NUP155: variants seen among roughly 807,000 people sequenced by gnomAD.
NUP155 encodes nuclear pore complex protein Nup155.
A neutral mutation model predicts 180.4 loss-of-function variants in NUP155; 71 were observed. The ratio of observed to expected loss-of-function variants is 0.39; its 90% CI spans 0.33 to 0.48. NUP155 has a LOEUF of 0.48. Ranked by LOEUF, NUP155 falls within the 20% of genes least tolerant of loss-of-function variation. NUP155 has a pLI of 0.91. For missense variants in NUP155, 1,553 were observed against 1,648.9 expected, an observed-to-expected ratio of 0.94 and a Z score of 1.01; for synonymous variants, 582 against 559.5, an observed-to-expected ratio of 1.04 and a Z score of -0.57.
chr5:37,351,480 C>A, intron 5 of NUP155, 124 bp from the exon 6 acceptor site: 1 of 674,618 alleles, frequency 1.5e-6, no homozygotes, highest in South Asian at 1.8e-5. Flanking sequence ...GACAGTCTTA[C>A]TCTGTCACCC....
intron 4 of NUP155, among the ~76,000 whole-genome samples, chr5:37,354,461 T>C (rs868258946): frequency 0.047 from 6,840 of 146,604 alleles, 536 homozygotes; most frequent in African/African-American, 0.16. Flanking sequence ...TTTCTTCTTT[T>C]TTTTTTTTTT....
At chr5:37,339,973 G>A (rs973733152) in intron 11 of NUP155, among the ~76,000 whole-genome samples, 1 of 152,112 alleles carries the variant, frequency 6.6e-6, no homozygotes, top group Admixed American at 6.6e-5. Flanking sequence ...TGTTGGCCAG[G>A]CTGGTCTTGA....
At position 37,331,705 on chromosome 5, in the gene NUP155, T is replaced by C. The variant is rs1336427065; in HGVS notation, c.1609A>G (p.Arg537Gly). ...NVGGDGEEIERFFKLHQEDQA... is the reference protein window; with the variant it reads ...NVGGDGEEIEGFFKLHQEDQA... ...ATTACCTGATGTAATTTAAAGAATC[T>C]TTCAATCTCTTCTCCATCTCCTCCC... Residue 537 changes from arginine to glycine, a missense_variant, in exon 14 of 35, where the codon AGA (arginine) becomes GGA (glycine). Coordinates refer to ENST00000231498, the MANE Select transcript of NUP155 (RefSeq NM_153485.3). 2 of 1,599,872 alleles carry C rather than the reference T, an allele frequency of 1.3e-6. No homozygotes were observed. Among genetic ancestry groups the C allele is most frequent in the East Asian group, 4.5e-5 (2 of 44,788 alleles).
chr5:37,316,289 G>A (rs781650620), intron 21 of NUP155, among the ~76,000 whole-genome samples: 6 of 152,152 alleles, frequency 3.9e-5, no homozygotes, highest in Admixed American at 6.5e-5. Flanking sequence ...GATGAACCTC[G>A]AGGACAGTAT....
chr5:37,351,303 G>T lies in NUP155; in HGVS notation c.610C>A (p.Pro204Thr), dbSNP rs568338388. The T allele has an allele frequency of 6.2e-7, 1 of 1,612,656 alleles. No individual in the cohort carries two copies. Among genetic ancestry groups the T allele is most frequent in the Non-Finnish European group, 8.5e-7 (1 of 1,178,970 alleles). Residue 204 changes from proline (P) to threonine (T), a missense_variant, in exon 6 of 35, where the codon CCT becomes ACT. By Grantham distance (38) the Pro-to-Thr change is conservative. Coordinates refer to ENST00000231498, the MANE Select transcript of NUP155 (RefSeq NM_153485.3). ...LSGGMQLLPDPLYSLPTDNTY... is the reference protein window; with the variant it reads ...LSGGMQLLPDTLYSLPTDNTY... ...TTATCAGTAGGAAGAGAATATAAAG[G>T]ATCTGGAAGCAACTGCATTCCACCA... is the stretch of plus-strand genomic sequence containing the variant.
chr5:37,324,206 T>C (rs1744433664), intron 19 of NUP155, 99 bp from the exon 20 acceptor site: 4 of 771,286 alleles, frequency 5.2e-6, no homozygotes, highest in Admixed American at 2.1e-5. Flanking sequence ...TCTATAGTTA[T>C]TTCTTGTATC....
rs1744573444 is a variant in NUP155, at chr5:37,325,908, A to C, written c.2084T>G (p.Ile695Ser). The change falls in exon 19 of 35, where the codon ATC (isoleucine) becomes AGC (serine). Residue 695 changes from isoleucine (I) to serine (S), a missense_variant. By Grantham distance (142) the Ile-to-Ser change is moderately radical (BLOSUM62 -2). Coordinates refer to ENST00000231498, the MANE Select transcript of NUP155 (RefSeq NM_153485.3). ...AATATTATACACACTTACTGCAGTG[A>C]TCTCTCTGTTGCCACTCTTGAATAT... Reference protein sequence around the residue: ...ERIFKSGNREITAIESSVPCQ... With the variant: ...ERIFKSGNRESTAIESSVPCQ... 6.2e-7 allele frequency: 1 copy of C among 1,600,504 alleles called. No individual in the cohort carries two copies.
At position 37,352,712 on chromosome 5, in the gene NUP155, A is replaced by T. The variant is rs904492058; in HGVS notation, c.556+25T>A. 4.7e-6 allele frequency: 7 copies of T among 1,502,630 alleles called. No individual in the cohort carries two copies. In the Admixed American group the frequency reaches 5.0e-5, roughly 11 times the overall value. The allele number at this position is 1,502,630 out of a possible 1,614,324, so 93.1% of individuals were successfully genotyped here. ...TGGCCAAAATACTATTATTTTAAAAAACGTTAACATGTGGGTTGCCATACC... is the reference window on the plus strand; with the variant it reads ...TGGCCAAAATACTATTATTTTAAAATACGTTAACATGTGGGTTGCCATACC... On this transcript the variant is annotated intron_variant, in intron 5 of 34. Coordinates refer to ENST00000231498, the MANE Select transcript of NUP155 (RefSeq NM_153485.3).
rs771870503 is a variant in NUP155 at position 37,292,094 on chromosome 5, G to C, written c.4038-56C>G. 123 of 1,573,444 alleles carry C rather than the reference G, an allele frequency of 7.8e-5. 1 individual carries two copies. Among genetic ancestry groups the C allele is most frequent in the Middle Eastern group, 1.7e-4 (1 of 6,012 alleles). ...ACATTTACAAACATTTCCTCCTGCA[G>C]GACTTCTTCCCCACCAACTTCTGGC... On this transcript the variant is annotated intron_variant, in intron 34 of 34. Coordinates refer to ENST00000231498, the MANE Select transcript of NUP155 (RefSeq NM_153485.3).
chr5:37,347,281 T>C (rs922275454), intron 9 of NUP155, among the ~76,000 whole-genome samples: 2 of 151,986 alleles, frequency 1.3e-5, no homozygotes, highest in African/African-American at 2.4e-5. Flanking sequence ...TGGGGAAACT[T>C]TGAGACATGC....
chr5:37,305,255 A>G (rs762321208), intron 25 of NUP155, 45 bp from the exon 26 acceptor site: 1 of 1,540,938 alleles, frequency 6.5e-7, no homozygotes, highest in South Asian at 1.1e-5. Context: ...TTAACTAGAA[A>G]GCAAATGATG....
At chr5:37,337,772 C>T in intron 12 of NUP155, 46 bp downstream of exon 12, 1 of 1,198,080 alleles carries the variant, frequency 8.3e-7, no homozygotes, top group South Asian at 1.2e-5. Context: ...TTATCCTTCA[C>T]TTAAAATTAT....
intron 14 of NUP155, among the ~76,000 whole-genome samples, chr5:37,331,073 TG>T (rs892381317): frequency 4.0e-5 from 6 of 151,062 alleles, no homozygotes; most frequent in African/African-American, 1.5e-4. Flanking sequence ...GGAATGAACC[TG>T]GGAGGTGGAG....
chr5:37,327,127 C>T (rs955134569), intron 18 of NUP155: 1 of 174,616 alleles, frequency 5.7e-6, no homozygotes, highest in African/African-American at 2.4e-5. Context: ...ACATATAACA[C>T]AAAATATCAG....
At position 37,331,707 on chromosome 5, in the gene NUP155, T is replaced by TCCTCTTCTCCATCTCCTCCC; in HGVS notation, c.1606_1607insGGGAGGAGATGGAGAAGAGG (p.Glu536GlyfsTer54). 1 of 1,601,460 alleles carries TCCTCTTCTCCATCTCCTCCC rather than the reference T, an allele frequency of 6.2e-7. No individual in the cohort carries two copies. The highest frequency in any genetic ancestry group is 8.5e-7 in the Non-Finnish European group (1 of 1,170,446). ...TACCTGATGTAATTTAAAGAATCTT[T>TCCTCTTCTCCATCTCCTCCC]CAATCTCTTCTCCATCTCCTCCCAC... is the stretch of plus-strand genomic sequence containing the variant. On this transcript the variant is annotated frameshift_variant, in exon 14 of 35. Transcript: ENST00000231498. LOFTEE classifies it high-confidence loss of function.
chr5:37,361,340 A>T (rs1403945450), intron 3 of NUP155, among the ~76,000 whole-genome samples: 1 of 151,914 alleles, frequency 6.6e-6, no homozygotes, highest in African/African-American at 2.4e-5. Flanking sequence ...ATAACAGCTG[A>T]AAAAAATTCT....
intron 21 of NUP155, among the ~76,000 whole-genome samples, chr5:37,316,761 A>T (rs1388295529): frequency 6.6e-6 from 1 of 151,602 alleles, no homozygotes; most frequent in East Asian, 2.0e-4. Context: ...CACTGCGCCC[A>T]GCCCAGAGTG....
intron 20 of NUP155, among the ~76,000 whole-genome samples, chr5:37,319,493 C>T (rs750874464): frequency 4.6e-5 from 7 of 152,126 alleles, no homozygotes; most frequent in Non-Finnish European, 8.8e-5. Flanking sequence ...CTGTAAAATG[C>T]AGTAAATACA....
chr5:37,324,129 CAA>C (rs1275387763), intron 19 of NUP155, 22 bp from the exon 20 acceptor site: 2 of 1,523,070 alleles, frequency 1.3e-6, no homozygotes, highest in East Asian at 2.3e-5. Context: ...AAAGATTTTT[CAA>C]AAGTTTAAAA....
Sources: allele counts gnomAD v4.1 joint callset (sites outside exome capture counted in the v4.1 genomes callset), GRCh38; gene constraint gnomAD v4.1.1; transcripts MANE v1.5; gene names NCBI Gene and HGNC (gene_info 2026-07-23, HGNC 2026-07-21).